The following SLC1A2 variants were observed in gnomAD, a reference collection of about 807,000 sequenced individuals.
SLC1A2 encodes excitatory amino acid transporter 2.
In SLC1A2, 15 loss-of-function variants were observed where a neutral mutation model predicts 48.8. That is an observed-to-expected ratio of 0.31 (90% CI 0.21 to 0.47). SLC1A2 has a LOEUF of 0.47. Ranked by LOEUF, SLC1A2 falls within the 20% of genes least tolerant of loss-of-function variation. The probability of loss-of-function intolerance (pLI) is 0.99; values close to 1 mark genes in which losing one functional copy is unlikely to be tolerated. For synonymous variants in SLC1A2, 279 were observed against 272.6 expected (o/e 1.02, Z -0.23); for missense variants, 502 against 730.5 (o/e 0.69, Z 3.61).
intron 1 of SLC1A2, among the ~76,000 whole-genome samples, chr11:35,400,484 T>C (rs1025840312): frequency 3.9e-5 from 6 of 152,138 alleles, no homozygotes; most frequent in African/African-American, 1.2e-4. Flanking sequence ...GTTAAAGGCA[T>C]TTATTCCTGG....
At chr11:35,291,863 C>G in intron 7 of SLC1A2, 1 of 166,148 alleles carries the variant, frequency 6.0e-6, no homozygotes, top group Non-Finnish European at 1.3e-5. Context: ...GCTTCTCCTA[C>G]TTTTGAAAAT....
intron 10 of SLC1A2, 48 bp downstream of exon 10, chr11:35,265,479 C>A (rs1357088816): frequency 7.9e-6 from 7 of 884,292 alleles, no homozygotes; most frequent in South Asian, 4.5e-5. Context: ...AGAAATCAAG[C>A]ATGCACTACT....
chr11:35,311,746 A>C (rs1851694035), intron 4 of SLC1A2, among the ~76,000 whole-genome samples: 1 of 151,930 alleles, frequency 6.6e-6, no homozygotes, highest in African/African-American at 2.4e-5. Flanking sequence ...CTTTACTGCC[A>C]CGTTTGAGAA....
intron 9 of SLC1A2, among the ~76,000 whole-genome samples, chr11:35,266,745 C>T (rs1418766196): frequency 3.3e-5 from 5 of 152,254 alleles, no homozygotes; most frequent in South Asian, 4.1e-4. Flanking sequence ...CATAAAGATG[C>T]TGCTGAGACA....
chr11:35,403,273 G>A (rs999756516), intron 1 of SLC1A2, among the ~76,000 whole-genome samples: 2 of 152,222 alleles, frequency 1.3e-5, no homozygotes. Context: ...CACAGCTACT[G>A]AGTGGTGGAA....
At chr11:35,347,304 G>C (rs1001906483) in intron 1 of SLC1A2, among the ~76,000 whole-genome samples, 1 of 152,168 alleles carries the variant, frequency 6.6e-6, no homozygotes, top group African/African-American at 2.4e-5. Context: ...CCCATGAATG[G>C]AGTCTCCTAG....
At chr11:35,372,295 C>A (rs1489697765) in intron 1 of SLC1A2, among the ~76,000 whole-genome samples, 4 of 152,240 alleles carry the variant, frequency 2.6e-5, no homozygotes, top group Admixed American at 2.6e-4. Flanking sequence ...ACAAATCACG[C>A]CACCCAGGTG....
Position 35,278,122 on chromosome 11 carries a change from T to G in SLC1A2, c.1421+2745A>C, listed in dbSNP as rs116631029. Among the ~76,000 whole-genome samples, 1,239 of 152,202 alleles carry G rather than the reference T, an allele frequency of 8.1e-3. 6 individuals are homozygous for G. The highest frequency in any genetic ancestry group is 0.029 in the African/African-American group (1,185 of 41,524). ...CTGGCAGAGACAGAGATGAGGCTAT[T>G]TTGTTTGCTTGTCACCTTCCGCTAA... On this transcript the variant is annotated intron_variant, in intron 9 of 10. Coordinates refer to ENST00000278379, the MANE Select transcript of SLC1A2 (RefSeq NM_004171.4).
At chr11:35,324,293 C>T (rs1852168716) in intron 1 of SLC1A2, among the ~76,000 whole-genome samples, 1 of 152,200 alleles carries the variant, frequency 6.6e-6, no homozygotes, top group Non-Finnish European at 1.5e-5. Context: ...TGTTAAAACA[C>T]CAGCTCTGAT....
At chr11:35,350,426 C>A (rs1853208347) in intron 1 of SLC1A2, among the ~76,000 whole-genome samples, 1 of 152,180 alleles carries the variant, frequency 6.6e-6, no homozygotes. Context: ...ATCCTTGCAA[C>A]AACCCCAAAA....
chr11:35,313,929 C>T (rs537471661), intron 3 of SLC1A2, among the ~76,000 whole-genome samples: 1 of 152,118 alleles, frequency 6.6e-6, no homozygotes, highest in Non-Finnish European at 1.5e-5. Context: ...CATGAGGTGG[C>T]CAGTCCAGGG....
rs755017762 is a variant in SLC1A2 at position 35,317,367 on chromosome 11, A to C, written c.157+10T>G. On this transcript the variant is annotated intron_variant, in intron 2 of 10. Coordinates refer to ENST00000278379, the MANE Select transcript of SLC1A2 (RefSeq NM_004171.4). ...GAGGGGGCTGGGGGTGGGGTAGTGC[A>C]GGTACCTACCAAACACCGTCAGGGT... 6.2e-7 allele frequency: 1 copy of C among 1,613,496 alleles called. No individual in the cohort carries two copies. The highest frequency in any genetic ancestry group is 8.5e-7 in the Non-Finnish European group (1 of 1,179,532).
chr11:35,296,382 T>A (rs941885475), intron 6 of SLC1A2, among the ~76,000 whole-genome samples: 4 of 152,206 alleles, frequency 2.6e-5, no homozygotes, highest in Non-Finnish European at 4.4e-5. Context: ...AATCTTCATC[T>A]TTCCCAATCC....
chr11:35,269,404 G>A (rs1156830011), intron 9 of SLC1A2, among the ~76,000 whole-genome samples: 2 of 152,064 alleles, frequency 1.3e-5, no homozygotes, highest in Admixed American at 1.3e-4. Context: ...GTAGAATTTG[G>A]GGAAGACAAA....
chr11:35,384,766 C>G (rs1490128534), intron 1 of SLC1A2, among the ~76,000 whole-genome samples: 2 of 152,190 alleles, frequency 1.3e-5, no homozygotes, highest in African/African-American at 4.8e-5. Context: ...GACAGTTACA[C>G]AAAGACTTTG....
intron 9 of SLC1A2, among the ~76,000 whole-genome samples, chr11:35,268,782 C>G (rs1850181236): frequency 6.6e-6 from 1 of 152,146 alleles, no homozygotes; most frequent in Non-Finnish European, 1.5e-5. Flanking sequence ...GATGACAGAA[C>G]TAAGGCCTGG....
intron 1 of SLC1A2, among the ~76,000 whole-genome samples, chr11:35,348,035 C>G (rs1853102800): frequency 6.6e-6 from 1 of 152,214 alleles, no homozygotes; most frequent in African/African-American, 2.4e-5. Context: ...TGTGACAAGT[C>G]TGGGCGGCAC....
intron 10 of SLC1A2, among the ~76,000 whole-genome samples, chr11:35,263,612 G>A (rs1950431714): frequency 6.6e-6 from 1 of 152,152 alleles, no homozygotes; most frequent in Non-Finnish European, 1.5e-5. Flanking sequence ...GAGGCCTCTT[G>A]AGAAATTCCA....
intron 1 of SLC1A2, among the ~76,000 whole-genome samples, chr11:35,328,428 A>T (rs1417156638): frequency 6.6e-6 from 1 of 152,222 alleles, no homozygotes; most frequent in African/African-American, 2.4e-5. Context: ...CTTCTTATAT[A>T]TGAACTTATT....
Sources: gnomAD v4.1 joint callset for allele counts (sites outside exome capture counted in the v4.1 genomes callset) on GRCh38, gnomAD v4.1.1 for gene constraint, MANE v1.5 for transcripts, NCBI Gene and HGNC (gene_info 2026-07-23, HGNC 2026-07-21) for gene names.